RTL9: variants seen among roughly 807,000 people sequenced by gnomAD.
RTL9 encodes retrotransposon Gag-like protein 9.
In RTL9, 19 loss-of-function variants were observed where a neutral mutation model predicts 44.7. That is an observed-to-expected ratio of 0.42 (90% confidence interval 0.30 to 0.62). RTL9 has a LOEUF of 0.62. Ranked by LOEUF, RTL9 falls within the 20% of genes least tolerant of loss-of-function variation. The pLI is 0.16. For missense variants in RTL9, 1,105 were observed against 1,080.6 expected, an observed-to-expected ratio of 1.02 and a Z score of -0.32; for synonymous variants, 407 against 398.9, an observed-to-expected ratio of 1.02 and a Z score of -0.24.
At chrX:110,382,787 C>T (rs1262081228) in intron 1 of RTL9, among the ~76,000 whole-genome samples, 1 of 112,084 alleles carries the variant, frequency 8.9e-6, no homozygotes, top group African/African-American at 3.2e-5. Context: ...TTTCCACTCA[C>T]GGGGCCACTG....
intron 1 of RTL9, among the ~76,000 whole-genome samples, chrX:110,360,575 A>G (rs1400444290): frequency 8.9e-6 from 1 of 111,894 alleles, no homozygotes; most frequent in East Asian, 2.8e-4. Context: ...AATGGAGAGT[A>G]GAAGAAAGGG....
At chrX:110,441,361 G>A (rs908752527) in intron 1 of RTL9, among the ~76,000 whole-genome samples, 6 of 111,856 alleles carry the variant, frequency 5.4e-5, no homozygotes, top group Admixed American at 9.5e-5. Context: ...TGCCTATGGC[G>A]AGCCCAAGAC....
chrX:110,391,888 T>C (rs2068496127), intron 1 of RTL9, among the ~76,000 whole-genome samples: 1 of 112,243 alleles, frequency 8.9e-6, no homozygotes, highest in Non-Finnish European at 1.9e-5. Flanking sequence ...ATTTCATCCC[T>C]GATTTTGTCA....
At chrX:110,363,420 A>G (rs996139467) in intron 1 of RTL9, among the ~76,000 whole-genome samples, 1 of 111,896 alleles carries the variant, frequency 8.9e-6, no homozygotes, top group African/African-American at 3.3e-5. Flanking sequence ...TTGGCTGCCC[A>G]CAGAAAAGTA....
intron 1 of RTL9, among the ~76,000 whole-genome samples, chrX:110,444,870 T>C (rs1046520420): frequency 1.8e-5 from 2 of 112,584 alleles, no homozygotes; most frequent in Non-Finnish European, 3.7e-5. Flanking sequence ...TATACTGGTC[T>C]GTAGTTTCCT....
chrX:110,427,174 A>T (rs1280301884), intron 1 of RTL9, among the ~76,000 whole-genome samples: 1 of 111,727 alleles, frequency 9.0e-6, no homozygotes, highest in Admixed American at 9.5e-5. Context: ...GATTCCTACA[A>T]TACCTTCTGG....
At chrX:110,430,057 C>T (rs1297195315) in intron 1 of RTL9, among the ~76,000 whole-genome samples, 1 of 112,085 alleles carries the variant, frequency 8.9e-6, no homozygotes, top group Non-Finnish European at 1.9e-5. Context: ...GTGTTTGGTT[C>T]TTCCAAGTGC....
chrX:110,386,649 A>T (rs1462336750), intron 1 of RTL9, among the ~76,000 whole-genome samples: 2 of 111,922 alleles, frequency 1.8e-5, no homozygotes, highest in African/African-American at 3.2e-5. Flanking sequence ...ATTTTCTTGA[A>T]GCTATTATTA....
chrX:110,418,275 T>A (rs1211753550), upstream of RTL9, among the ~76,000 whole-genome samples: 1 of 112,286 alleles, frequency 8.9e-6, no homozygotes, highest in African/African-American at 3.2e-5. Context: ...TAAGAGCAGG[T>A]ACTCTGCCCC....
exon 1 of RTL9, chrX:110,452,145 A>G: frequency 2.5e-6 from 3 of 1,211,915 alleles, no homozygotes; most frequent in African/African-American, 1.7e-5. Flanking sequence ...TTCTGGAGCA[A>G]TGTCCACCCA....
At chrX:110,363,455 C>A (rs957392860) in intron 1 of RTL9, among the ~76,000 whole-genome samples, 1 of 111,690 alleles carries the variant, frequency 9.0e-6, no homozygotes, top group Non-Finnish European at 1.9e-5. Flanking sequence ...AGGGACCTCC[C>A]TATGTGTCAT....
intron 1 of RTL9, among the ~76,000 whole-genome samples, chrX:110,398,287 G>A (rs1284135665): frequency 1.8e-5 from 2 of 112,089 alleles, no homozygotes; most frequent in Admixed American, 9.4e-5. Flanking sequence ...TGTTCTACAC[G>A]TTTGAATGTG....
intron 1 of RTL9, among the ~76,000 whole-genome samples, chrX:110,385,769 CCAGA>C (rs201809212): frequency 0.02 from 2,221 of 111,372 alleles, 51 homozygotes; most frequent in African/African-American, 0.068. Flanking sequence ...ATCCCATCAC[CCAGA>C]CAGTGAGCAT....
intron 1 of RTL9, among the ~76,000 whole-genome samples, chrX:110,423,103 G>A (rs978809892): frequency 8.9e-6 from 1 of 111,849 alleles, no homozygotes. Context: ...CGAGGCAGGC[G>A]GATCACCTGA....
intron 1 of RTL9, among the ~76,000 whole-genome samples, chrX:110,431,761 C>T (rs1269222778): frequency 8.9e-6 from 1 of 111,852 alleles, no homozygotes; most frequent in Non-Finnish European, 1.9e-5. Context: ...GACCAGGACT[C>T]ACTGCTAGAA....
At chrX:110,366,798 T>C (rs2068300199) in intron 1 of RTL9, among the ~76,000 whole-genome samples, 1 of 112,150 alleles carries the variant, frequency 8.9e-6, no homozygotes, top group South Asian at 3.7e-4. Context: ...CAGTCTCGCT[T>C]TAGATTCAGG....
chrX:110,371,884 A>G lies in RTL9; in HGVS notation c.-168+12968A>G, dbSNP rs750074904. Among the ~76,000 whole-genome samples the G allele has an allele frequency of 8.1e-5, 9 of 110,982 alleles. No individual in the cohort carries two copies. In the South Asian group the frequency reaches 3.1e-3, roughly 38 times the overall value. On this transcript the variant is annotated intron_variant, in intron 1 of 2. Coordinates refer to the RTL9 transcript ENST00000520821. ...TCACCATCCTTTTTGCTTTCCCTTA[A>G]CAATGCTCACACTGTTATAAACAGT... is the stretch of plus-strand genomic sequence containing the variant.
chrX:110,404,576 C>T (rs1015865762), intron 1 of RTL9, among the ~76,000 whole-genome samples: 2 of 112,152 alleles, frequency 1.8e-5, no homozygotes, highest in Non-Finnish European at 3.8e-5. Context: ...ACAGGTAACA[C>T]ATGCAGTAGG....
Position 110,381,249 on chromosome X carries a change from T to C in RTL9, c.-168+22333T>C, listed in dbSNP as rs1383068962. 7.2e-5 allele frequency among the ~76,000 whole-genome samples: 8 copies of C among 111,567 alleles called. No individual in the cohort carries two copies. In the Admixed American group the frequency reaches 7.6e-4, roughly 11 times the overall value. Reference sequence around the variant, plus strand: ...AATCAACAAGCAAAAAACAACCCCATTGAAAAGAGGGCAAAGGACATGAAC... The same window carrying C: ...AATCAACAAGCAAAAAACAACCCCACTGAAAAGAGGGCAAAGGACATGAAC... On this transcript the variant is annotated intron_variant, in intron 1 of 2. Transcript: ENST00000520821.
Sources: allele counts gnomAD v4.1 joint callset (sites outside exome capture counted in the v4.1 genomes callset), GRCh38; gene constraint gnomAD v4.1.1; transcripts MANE v1.5; gene names NCBI Gene and HGNC (gene_info 2026-07-23, HGNC 2026-07-21).